POLRMT: variants seen among roughly 807,000 people sequenced by gnomAD.
POLRMT encodes DNA-directed RNA polymerase, mitochondrial.
In POLRMT, 114 loss-of-function variants were observed where a neutral mutation model predicts 132.2. The observed-to-expected ratio is 0.86, with a 90% CI of 0.74 to 1.01. The LOEUF is 1.01. Ranked by LOEUF, POLRMT falls within the 50% of genes least tolerant of loss-of-function variation. POLRMT has a pLI of 0.00. For missense variants in POLRMT, 2,003 were observed against 1,729.1 expected, an observed-to-expected ratio of 1.16 and a Z score of -2.81; for synonymous variants, 1,020 against 773.4, an observed-to-expected ratio of 1.32 and a Z score of -5.29.
At position 619,958 on chromosome 19, in the gene POLRMT, C is replaced by A. The variant is rs1463158176; in HGVS notation, c.2886G>T (p.Gln962His). 2 of 1,602,116 alleles carry A rather than the reference C, an allele frequency of 1.2e-6. No homozygotes were observed. The highest frequency in any genetic ancestry group is 1.7e-6 in the Non-Finnish European group (2 of 1,178,260). ...CCCCGGGCAGCAGGGCACACCCTAC[C>A]TGCGCGGCCACGCCGCTGTACACGT... is the stretch of plus-strand genomic sequence containing the variant. ...PQDVYSGVAA[Q>H]VEVFRRQDAQ... The change falls in exon 12 of 21, where the codon CAG becomes CAT. Residue 962 changes from glutamine to histidine, a missense_variant and splice_region_variant. Transcript: ENST00000588649.
intron 3 of POLRMT, among the ~76,000 whole-genome samples, chr19:627,742 T>C (rs976432678): frequency 6.7e-6 from 1 of 149,640 alleles, no homozygotes; most frequent in African/African-American, 2.5e-5. Context: ...CCGGCCAACA[T>C]GGCAAAAGCC....
intron 3 of POLRMT, among the ~76,000 whole-genome samples, chr19:627,942 A>AG (rs1257081854): frequency 6.6e-6 from 1 of 151,684 alleles, no homozygotes; most frequent in African/African-American, 2.4e-5. Context: ...AAAAAAAAAA[A>AG]AAGATAGAAG....
At position 617,632 on chromosome 19, in the gene POLRMT, G is replaced by T; in HGVS notation, c.3519C>A (p.Arg1173=). 3 of 1,612,474 alleles carry T rather than the reference G, an allele frequency of 1.9e-6. No homozygotes were observed. Among genetic ancestry groups the T allele is most frequent in the Non-Finnish European group, 2.5e-6 (3 of 1,179,984 alleles). ...CCTGCAGGATGGGCTCGCTGTGCAA[G>T]CGGACAAACTGCTCCCGGCACACCT... The part of the protein sequence containing the change: ...MNQVCREQFV[R]LHSEPILQDL... Residue 1173 remains arginine, a synonymous_variant, in exon 19 of 21, where the codon CGC becomes CGA. Coordinates refer to ENST00000588649, the MANE Select transcript of POLRMT (RefSeq NM_005035.4).
chr19:628,742 C>A (rs896188861), intron 3 of POLRMT, among the ~76,000 whole-genome samples: 8 of 152,160 alleles, frequency 5.3e-5, no homozygotes, highest in Non-Finnish European at 1.2e-4. Context: ...CGGTGGCTCA[C>A]GCCTGTAATC....
At chr19:628,209 C>T (rs1338736957) in intron 3 of POLRMT, among the ~76,000 whole-genome samples, 1 of 152,160 alleles carries the variant, frequency 6.6e-6, no homozygotes, top group Non-Finnish European at 1.5e-5. Flanking sequence ...GCTAAGAGTG[C>T]GTTTCTGCTG....
At chr19:632,064 C>T (rs2144712308) in intron 2 of POLRMT, among the ~76,000 whole-genome samples, 1 of 149,458 alleles carries the variant, frequency 6.7e-6, no homozygotes, top group Middle Eastern at 3.4e-3. Flanking sequence ...TGAGCCACCG[C>T]ACCAGGCCTC....
intron 1 of POLRMT, 54 bp downstream of exon 1, chr19:633,371 G>T: frequency 7.0e-7 from 1 of 1,436,360 alleles, no homozygotes; most frequent in Non-Finnish European, 9.2e-7. Context: ...GGCCGCGCGG[G>T]GAGGAGCCCA....
chr19:627,486 G>T (rs547318387), intron 3 of POLRMT, among the ~76,000 whole-genome samples: 2 of 151,880 alleles, frequency 1.3e-5, no homozygotes, highest in South Asian at 2.1e-4. Flanking sequence ...CCTCTGTATG[G>T]TAGACCTCAC....
At chr19:617,520 T>C in intron 19 of POLRMT, 40 bp from the exon 20 acceptor site, 1 of 1,607,628 alleles carries the variant, frequency 6.2e-7, no homozygotes, top group South Asian at 1.1e-5. Flanking sequence ...TGAGGCCAGG[T>C]TTTGGGGTGG....
chr19:620,662 G>A (rs1468297174), intron 10 of POLRMT, among the ~76,000 whole-genome samples, 175 bp from the exon 11 acceptor site: 2 of 150,186 alleles, frequency 1.3e-5, no homozygotes, highest in Non-Finnish European at 3.0e-5. Context: ...CCATAGCCAC[G>A]GATGGAGGAT....
intron 3 of POLRMT, among the ~76,000 whole-genome samples, chr19:626,696 C>CAAAAAAAAAAAAAAAAAA (rs59746130): frequency 3.8e-5 from 4 of 105,044 alleles, no homozygotes; most frequent in African/African-American, 1.7e-4. Flanking sequence ...ACTAAAAATA[C>CAAAAAAAAAAAAAAAAAA]AAAAAAAAAA....
At chr19:621,913 CTT>C (rs1351467281) in intron 9 of POLRMT, 67 bp from the exon 10 acceptor site, 1 of 1,547,204 alleles carries the variant, frequency 6.5e-7, no homozygotes, top group Non-Finnish European at 8.7e-7. Context: ...ACCCCTTAAA[CTT>C]GGGTGAGAGG....
At chr19:625,413 TTC>T in intron 3 of POLRMT, 159 bp from the exon 4 acceptor site, 4 of 931,984 alleles carry the variant, frequency 4.3e-6, no homozygotes, top group Non-Finnish European at 6.3e-6. Flanking sequence ...CCCCCTGAGG[TTC>T]TGACACACAA....
At chr19:618,657 C>A in intron 16 of POLRMT, 48 bp downstream of exon 16, 1 of 1,602,806 alleles carries the variant, frequency 6.2e-7, no homozygotes, top group Non-Finnish European at 8.5e-7. Context: ...TCCACCGTGG[C>A]TGCTCTCCAG....
In POLRMT at chr19:630,006, C is replaced by G; in HGVS notation, c.356G>C (p.Cys119Ser). 6.2e-7 allele frequency: 1 copy of G among 1,613,842 alleles called. No homozygotes were observed. Among genetic ancestry groups the G allele is most frequent in the Non-Finnish European group, 8.5e-7 (1 of 1,180,032 alleles). The change falls in exon 3 of 21, where the codon TGT becomes TCT. Residue 119 changes from cysteine to serine, a missense_variant. Physicochemically the swap from Cys to Ser is moderately radical, Grantham distance 112 (BLOSUM62 -1). Transcript: ENST00000588649. ...MGAKDATPVPCGRWAKILEKD... is the reference protein window; with the variant it reads ...MGAKDATPVPSGRWAKILEKD... Reference sequence around the variant, plus strand: ...CTCCAGTATCTTTGCCCAGCGGCCACAGGGCACCGGGGTGGCATCCTTGGC... The same window carrying G: ...CTCCAGTATCTTTGCCCAGCGGCCAGAGGGCACCGGGGTGGCATCCTTGGC...
chr19:617,546 A>C, intron 19 of POLRMT, 24 bp downstream of exon 19: 4 of 1,610,432 alleles, frequency 2.5e-6, no homozygotes, highest in Non-Finnish European at 3.4e-6. Flanking sequence ...GAATCCAGGT[A>C]GTTGGGGTCA....
intron 12 of POLRMT, 51 bp from the exon 13 acceptor site, chr19:619,816 G>A: frequency 3.2e-6 from 5 of 1,549,956 alleles, no homozygotes; most frequent in Non-Finnish European, 4.4e-6. Context: ...AGCAGCCCAG[G>A]GGCCACCAAG....
chr19:623,637 G>C (rs779968197), intron 5 of POLRMT, 34 bp from the exon 6 acceptor site: 4 of 1,605,546 alleles, frequency 2.5e-6, no homozygotes, highest in Non-Finnish European at 3.4e-6. Flanking sequence ...TTGGGGGCTT[G>C]CCAGAGGGCG....
intron 3 of POLRMT, among the ~76,000 whole-genome samples, chr19:628,635 G>GA (rs374767814): frequency 5.6e-5 from 8 of 143,272 alleles, no homozygotes; most frequent in South Asian, 2.1e-4. Flanking sequence ...GGATCATGGG[G>GA]GGGGAGAAAG....
Sources: gnomAD v4.1 joint callset for allele counts (sites outside exome capture counted in the v4.1 genomes callset) on GRCh38, gnomAD v4.1.1 for gene constraint, MANE v1.5 for transcripts, NCBI Gene and HGNC (gene_info 2026-07-23, HGNC 2026-07-21) for gene names.